Variants in MYBPC1 observed in about 807,000 individuals in gnomAD.
MYBPC1 encodes the protein myosin binding protein C1, also known as myosin-binding protein C, slow-type.
MYBPC1 carries 52 observed loss-of-function variants against 147.1 expected under a neutral mutation model. The ratio of observed to expected loss-of-function variants is 0.35; its 90% CI spans 0.28 to 0.45. MYBPC1 has a LOEUF of 0.45. Among genes scored for constraint, MYBPC1 ranks in the 20% least tolerant of loss-of-function variants. MYBPC1 has a pLI of 1.00. For missense variants in MYBPC1, 1,228 were observed against 1,440.3 expected (o/e 0.85, Z 2.39); for synonymous variants, 477 against 475.9 (o/e 1.00, Z -0.03).
intron 1 of MYBPC1, among the ~76,000 whole-genome samples, chr12:101,599,019 G>T (rs1445856445): frequency 2.6e-5 from 4 of 152,138 alleles, no homozygotes; most frequent in African/African-American, 9.7e-5. Context: ...GTCCGAAAAG[G>T]CAAAAGTTCC....
At chr12:101,599,080 T>C (rs1878718520) in intron 1 of MYBPC1, among the ~76,000 whole-genome samples, 1 of 152,220 alleles carries the variant, frequency 6.6e-6, no homozygotes, top group Admixed American at 6.5e-5. Flanking sequence ...TCACTGTAGT[T>C]TTCTCATGTT....
At chr12:101,670,573 C>T (rs911373300) in intron 24 of MYBPC1, among the ~76,000 whole-genome samples, 164 bp downstream of exon 24, 1 of 152,166 alleles carries the variant, frequency 6.6e-6, no homozygotes, top group Non-Finnish European at 1.5e-5. Flanking sequence ...TAAGCAATCT[C>T]CTGCTGTCAA....
intron 7 of MYBPC1, 126 bp from the exon 8 acceptor site, chr12:101,631,895 C>A: frequency 1.6e-6 from 2 of 1,262,232 alleles, no homozygotes; most frequent in South Asian, 1.2e-5. Context: ...GGCTACAGGA[C>A]ACATTTGCCC....
chr12:101,599,724 A>G (rs959406910), intron 1 of MYBPC1, among the ~76,000 whole-genome samples: 4 of 152,324 alleles, frequency 2.6e-5, no homozygotes, highest in African/African-American at 9.6e-5. Flanking sequence ...ATCAAGGGCA[A>G]TTGTTTCCCT....
intron 8 of MYBPC1, among the ~76,000 whole-genome samples, chr12:101,633,923 G>A (rs1332467937): frequency 1.4e-5 from 2 of 146,004 alleles, no homozygotes; most frequent in African/African-American, 2.5e-5. Context: ...ACGGAGTCTC[G>A]CTCCTCTCTG....
intron 3 of MYBPC1, among the ~76,000 whole-genome samples, chr12:101,623,064 T>C (rs1887798073): frequency 6.6e-6 from 1 of 152,186 alleles, no homozygotes; most frequent in Non-Finnish European, 1.5e-5. Context: ...GGCCAGGTGC[T>C]GTGCCTCCTC....
At chr12:101,610,444 A>G (rs1883824593) in intron 1 of MYBPC1, among the ~76,000 whole-genome samples, 1 of 152,212 alleles carries the variant, frequency 6.6e-6, no homozygotes, top group South Asian at 2.1e-4. Flanking sequence ...GTTTTAACAC[A>G]TGCAGCTCAC....
chr12:101,663,954 G>A (rs1052742286), intron 22 of MYBPC1, among the ~76,000 whole-genome samples: 2 of 152,180 alleles, frequency 1.3e-5, no homozygotes, highest in African/African-American at 2.4e-5. Flanking sequence ...ACTATCAAAA[G>A]AGTGACCTAT....
At chr12:101,684,314 A>T (rs1402273552) in intron 30 of MYBPC1, 68 bp from the exon 31 acceptor site, 2 of 1,223,414 alleles carry the variant, frequency 1.6e-6, no homozygotes, top group Non-Finnish European at 2.4e-6. Flanking sequence ...ACAAGTACTC[A>T]AGTTTGGTGT....
At chr12:101,653,391 A>T (rs1365377066) in intron 18 of MYBPC1, 143 bp downstream of exon 18, 31 of 1,180,128 alleles carry the variant, frequency 2.6e-5, no homozygotes, top group Non-Finnish European at 3.6e-5. Flanking sequence ...AATTCCTTTG[A>T]AAAAGAAAGA....
At chr12:101,608,196 C>T (rs1310560322) in intron 1 of MYBPC1, among the ~76,000 whole-genome samples, 1 of 152,182 alleles carries the variant, frequency 6.6e-6, no homozygotes, top group African/African-American at 2.4e-5. Context: ...TGTATATGTT[C>T]ATTAGAAAGG....
chr12:101,600,526 ATTC>A (rs1414766681), intron 1 of MYBPC1: 1 of 152,172 alleles, frequency 6.6e-6, no homozygotes, highest in Non-Finnish European at 1.5e-5. Context: ...AAACAAATAC[ATTC>A]TTCTTTTCAA....
At chr12:101,652,576 C>A in intron 16 of MYBPC1, 102 bp from the exon 17 acceptor site, 1 of 804,112 alleles carries the variant, frequency 1.2e-6, no homozygotes, top group Middle Eastern at 2.3e-4. Flanking sequence ...CTTTCCTGCA[C>A]TAAAGAAGTT....
At chr12:101,653,873 C>T (rs1895033567) in intron 18 of MYBPC1, among the ~76,000 whole-genome samples, 2 of 104,578 alleles carry the variant, frequency 1.9e-5, no homozygotes, top group Non-Finnish European at 2.1e-5. Flanking sequence ...TGGCTTTCTA[C>T]AAAAATAAAA....
At chr12:101,666,718 T>G (rs1393764226) in intron 22 of MYBPC1, 2 of 1,603,784 alleles carry the variant, frequency 1.2e-6, no homozygotes. Flanking sequence ...GTGTCTTTAA[T>G]TAATTTTAAT....
At chr12:101,626,554 T>C (rs78917398) in intron 3 of MYBPC1, among the ~76,000 whole-genome samples, 2 of 152,246 alleles carry the variant, frequency 1.3e-5, no homozygotes, top group African/African-American at 4.8e-5. Flanking sequence ...ACTTCCATTA[T>C]TGATTTCATC....
intron 1 of MYBPC1, among the ~76,000 whole-genome samples, chr12:101,605,485 C>T (rs1352990735): frequency 2.0e-5 from 3 of 152,150 alleles, no homozygotes; most frequent in Admixed American, 6.5e-5. Context: ...TGTTTATGTG[C>T]ATAACTAGTG....
intron 31 of MYBPC1, among the ~76,000 whole-genome samples, chr12:101,684,714 T>C (rs908797258): frequency 3.9e-5 from 6 of 152,198 alleles, no homozygotes; most frequent in Non-Finnish European, 8.8e-5. Flanking sequence ...TCTGAATTAT[T>C]TGCATCAAGG....
chr12:101,627,665 C>A, intron 4 of MYBPC1, 104 bp from the exon 5 acceptor site: 1 of 1,311,428 alleles, frequency 7.6e-7, no homozygotes, highest in Non-Finnish European at 1.1e-6. Context: ...TTCCTATCAC[C>A]AGAGGAGACA....
Sources: allele counts gnomAD v4.1 joint callset (sites outside exome capture counted in the v4.1 genomes callset), GRCh38; gene constraint gnomAD v4.1.1; transcripts MANE v1.5; gene names NCBI Gene and HGNC (gene_info 2026-07-23, HGNC 2026-07-21).